Variants in MIOS observed in about 807,000 individuals in gnomAD.
MIOS encodes meiosis regulator for oocyte development.
Under a neutral mutation model 96.9 loss-of-function variants are expected in MIOS, and 52 were observed. The ratio of observed to expected loss-of-function variants is 0.54; its 90% CI spans 0.43 to 0.68. MIOS has a LOEUF of 0.68. Ranked by LOEUF, MIOS falls within the 30% of genes least tolerant of loss-of-function variation. The probability of loss-of-function intolerance (pLI) is 0.00; values close to 1 mark genes in which losing one functional copy is unlikely to be tolerated. For synonymous variants in MIOS, 397 were observed against 359.5 expected, an observed-to-expected ratio of 1.10 and a Z score of -1.18; for missense variants, 1,005 against 1,052.8, an observed-to-expected ratio of 0.95 and a Z score of 0.63.
At chr7:7,569,237 G>C (rs191614709) in intron 3 of MIOS, among the ~76,000 whole-genome samples, 1 of 152,232 alleles carries the variant, frequency 6.6e-6, no homozygotes, top group Admixed American at 6.5e-5. Flanking sequence ...TACGTGAGGT[G>C]CCCCTCTTCC....
At chr7:7,575,906 T>A (rs1286685436) in intron 5 of MIOS, among the ~76,000 whole-genome samples, 1 of 150,148 alleles carries the variant, frequency 6.7e-6, no homozygotes, top group Non-Finnish European at 1.5e-5. Flanking sequence ...GGTATAGATA[T>A]TTTTGTTTCT....
chr7:7,603,852 C>T (rs1455358513), intron 11 of MIOS, among the ~76,000 whole-genome samples: 1 of 151,744 alleles, frequency 6.6e-6, no homozygotes, highest in Non-Finnish European at 1.5e-5. Flanking sequence ...GAAAATGTGG[C>T]ACATATACAC....
chr7:7,591,062 T>C (rs1215135617), intron 9 of MIOS, among the ~76,000 whole-genome samples: 6 of 152,234 alleles, frequency 3.9e-5, no homozygotes, highest in African/African-American at 1.4e-4. Context: ...TTATATTTAT[T>C]CACTTATTTA....
In MIOS at chr7:7,574,099, T is replaced by C; in HGVS notation, c.1296T>C (p.Phe432=). 1 of 1,594,954 alleles carries C rather than the reference T, an allele frequency of 6.3e-7. No homozygotes were observed. Among genetic ancestry groups the C allele is most frequent in the Admixed American group, 1.7e-5 (1 of 57,742 alleles). The part of the protein sequence containing the change: ...QLKSLWYTLH[F]MKQYTEDMDQ... ...AGTATTTCCTATGCATTTAAATACT[T>C]ATGAAGCAATACACAGAAGATATGG... Residue 432 remains phenylalanine (F), a splice_region_variant and synonymous_variant, in exon 5 of 13, where the codon TTT becomes TTC. Coordinates refer to ENST00000340080, the MANE Select transcript of MIOS (RefSeq NM_019005.4).
In MIOS at chr7:7,595,133, G is replaced by GT. The variant is rs1563038200; in HGVS notation, c.2196+2dup. ...TCCCAGTTCCAAGCCTTTAGCACAA[G>GT]TAAGTACATTGTTTTGGAGAAAATC... On this transcript the variant is annotated splice_donor_variant, in intron 10 of 12. Coordinates refer to ENST00000340080, the MANE Select transcript of MIOS (RefSeq NM_019005.4). LOFTEE classifies it high-confidence loss of function. 1 of 1,605,628 alleles carries GT rather than the reference G, an allele frequency of 6.2e-7. No individual in the cohort carries two copies. The highest frequency in any genetic ancestry group is 8.5e-7 in the Non-Finnish European group (1 of 1,177,772).
chr7:7,573,629 C>A lies in MIOS; in HGVS notation c.1154C>A (p.Ser385Tyr), dbSNP rs1393822253. The A allele has an allele frequency of 8.1e-6, 13 of 1,613,824 alleles. No homozygotes were observed. Among genetic ancestry groups the A allele is most frequent in the Non-Finnish European group, 1.1e-5 (13 of 1,179,922 alleles). Reference sequence around the variant, plus strand: ...TGTACGGAAGAAGAAAATGATAATTCTTTAGAAAAAGATATAGCAACGAAG... The same window carrying A: ...TGTACGGAAGAAGAAAATGATAATTATTTAGAAAAAGATATAGCAACGAAG... Reference protein sequence around the residue: ...YECTEEENDNSLEKDIATKMR... With the variant: ...YECTEEENDNYLEKDIATKMR... Residue 385 changes from serine to tyrosine, a missense_variant, in exon 4 of 13, where the codon TCT becomes TAT. Physicochemically the swap from Ser to Tyr is moderately radical, Grantham distance 144. This residue lies in a region of MIOS where 865 missense variants were observed against 887.9 expected (regional missense o/e 0.97). Coordinates refer to ENST00000340080, the MANE Select transcript of MIOS (RefSeq NM_019005.4). This position sits in a 1 kb window ranked among gnomAD's most constrained non-coding sequence, Gnocchi z 5.0.
At position 7,573,706 on chromosome 7, in the gene MIOS, AGGAACCACATTTTAGCT is replaced by A; in HGVS notation, c.1236_1252del (p.Asn412LysfsTer2). ...TGGACTTGATACAGAGCAGGTGTGG[AGGAACCACATTTTAGCT>A]GGAAATGAAGATCCACAGCTCAAGT... On this transcript the variant is annotated frameshift_variant, in exon 4 of 13. Coordinates refer to ENST00000340080, the MANE Select transcript of MIOS (RefSeq NM_019005.4). The surrounding 1 kb of genome is among the most constrained non-coding windows in gnomAD (Gnocchi z 5.0). 1 of 1,613,026 alleles carries A rather than the reference AGGAACCACATTTTAGCT, an allele frequency of 6.2e-7. No individual in the cohort carries two copies. The highest frequency in any genetic ancestry group is 8.5e-7 in the Non-Finnish European group (1 of 1,179,396).
chr7:7,600,021 G>C (rs567418803), intron 11 of MIOS, among the ~76,000 whole-genome samples: 6 of 152,172 alleles, frequency 3.9e-5, no homozygotes, highest in African/African-American at 1.4e-4. Flanking sequence ...GCTTACTGGA[G>C]GGTGCTAGGT....
chr7:7,587,430 T>C (rs1783922597), intron 7 of MIOS, among the ~76,000 whole-genome samples: 1 of 152,224 alleles, frequency 6.6e-6, no homozygotes. Context: ...TTATACTTTA[T>C]GTATAAATAA....
In MIOS at chr7:7,590,796, C is replaced by T. The variant is rs146080817; in HGVS notation, c.2043+1233C>T. ...CAACTCATCAAAGTCAACATTTTAC[C>T]CCCTCATACTTCACATTTCTCACCT... On this transcript the variant is annotated intron_variant, in intron 9 of 12. Transcript: ENST00000340080. Among the ~76,000 whole-genome samples the T allele has an allele frequency of 3.2e-3, 486 of 151,812 alleles. 2 individuals carry two copies. Among genetic ancestry groups the T allele is most frequent in the African/African-American group, 0.011 (456 of 41,396 alleles).
Position 7,574,086 on chromosome 7 carries a change from G to A in MIOS, c.1295-12G>A. ...GTCATGCATCACTAGTATTTCCTAT[G>A]CATTTAAATACTTATGAAGCAATAC... On this transcript the variant is annotated splice_polypyrimidine_tract_variant and intron_variant, in intron 4 of 12. Coordinates refer to ENST00000340080, the MANE Select transcript of MIOS (RefSeq NM_019005.4). The A allele has an allele frequency of 6.5e-7, 1 of 1,539,986 alleles. No individual in the cohort carries two copies. Among genetic ancestry groups the A allele is most frequent in the Non-Finnish European group, 8.9e-7 (1 of 1,125,028 alleles).
chr7:7,600,810 G>C (rs1784353399), intron 11 of MIOS, among the ~76,000 whole-genome samples: 2 of 152,218 alleles, frequency 1.3e-5, no homozygotes, highest in East Asian at 1.9e-4. Flanking sequence ...TGACCACATA[G>C]TTGGAAGTAA....
At position 7,573,594 on chromosome 7, in the gene MIOS, T is replaced by C. The variant is rs754667472; in HGVS notation, c.1119T>C (p.His373=). The change falls in exon 4 of 13, where the codon CAT becomes CAC. Residue 373 remains histidine (H), a synonymous_variant. Coordinates refer to ENST00000340080, the MANE Select transcript of MIOS (RefSeq NM_019005.4). This position sits in a 1 kb window ranked among gnomAD's most constrained non-coding sequence, Gnocchi z 5.0. ...ITSLMWACGR[H]LYECTEEEND... ...CTTTAATGTGGGCTTGTGGTCGTCA[T>C]TTATATGAATGTACGGAAGAAGAAA... 3.1e-6 allele frequency: 5 copies of C among 1,613,982 alleles called. No homozygotes were observed. The highest frequency in any genetic ancestry group is 4.2e-6 in the Non-Finnish European group (5 of 1,179,950).
chr7:7,569,399 A>G (rs1783269446), intron 3 of MIOS, among the ~76,000 whole-genome samples: 1 of 152,214 alleles, frequency 6.6e-6, no homozygotes, highest in African/African-American at 2.4e-5. Context: ...AAGGTGCCCA[A>G]TCAATAGTCA....
At chr7:7,606,130 T>C (rs758447731) in intron 12 of MIOS, 59 bp downstream of exon 12, 16 of 1,580,312 alleles carry the variant, frequency 1.0e-5, no homozygotes, top group Non-Finnish European at 1.3e-5. Flanking sequence ...CACAGATTGC[T>C]TCTAAATAGT....
intron 11 of MIOS, among the ~76,000 whole-genome samples, chr7:7,604,964 G>T (rs1238792353): frequency 6.6e-6 from 1 of 152,136 alleles, no homozygotes; most frequent in African/African-American, 2.4e-5. Flanking sequence ...CCTTTCAGGA[G>T]TAATTCTAGT....
intron 8 of MIOS, 59 bp downstream of exon 8, chr7:7,588,622 A>T: frequency 9.1e-7 from 1 of 1,093,186 alleles, no homozygotes; most frequent in Middle Eastern, 2.1e-4. Context: ...ACAATTATGT[A>T]AGAAACTAGT....
intron 11 of MIOS, chr7:7,605,026 C>G (rs562777216): frequency 1.3e-5 from 2 of 152,290 alleles, no homozygotes; most frequent in East Asian, 3.9e-4. Context: ...CACCTCATAT[C>G]ATTAGCAAAA....
At chr7:7,603,873 T>C (rs990437612) in intron 11 of MIOS, among the ~76,000 whole-genome samples, 2 of 151,526 alleles carry the variant, frequency 1.3e-5, no homozygotes, top group African/African-American at 4.9e-5. Flanking sequence ...CATGGAATAC[T>C]ATGCAGCCAT....
Sources: allele counts gnomAD v4.1 joint callset (sites outside exome capture counted in the v4.1 genomes callset), GRCh38; gene constraint gnomAD v4.1.1; regional missense constraint gnomAD v4.1.1; non-coding constraint Gnocchi (gnomAD v3.1); transcripts MANE v1.5; gene names NCBI Gene and HGNC (gene_info 2026-07-23, HGNC 2026-07-21).